The following BORCS5 variants were observed in gnomAD, a reference collection of about 807,000 sequenced individuals.
BORCS5 encodes the protein BLOC-1-related complex subunit 5.
Under a neutral mutation model 22.1 loss-of-function variants are expected in BORCS5, and 17 were observed. That is an observed-to-expected ratio of 0.77 (90% CI 0.53 to 1.15). The LOEUF is 1.15. Among genes scored for constraint, BORCS5 ranks in the 50% most tolerant of loss-of-function variants. The pLI, the probability that BORCS5 is intolerant of heterozygous loss-of-function variation, is 0.00. For synonymous variants in BORCS5, 117 were observed against 99.8 expected (o/e 1.17, Z -1.03); for missense variants, 247 against 253.2 (o/e 0.98, Z 0.17).
intron 2 of BORCS5, among the ~76,000 whole-genome samples, chr12:12,377,752 C>T (rs141257398): frequency 6.6e-5 from 10 of 152,116 alleles, no homozygotes; most frequent in Admixed American, 2.0e-4. Context: ...TGAGAGCTAG[C>T]GGTAGTGATC....
chr12:12,421,040 T>G (rs1202034079), intron 2 of BORCS5, among the ~76,000 whole-genome samples: 2 of 152,210 alleles, frequency 1.3e-5, no homozygotes, highest in African/African-American at 4.8e-5. Context: ...ATATCCTTTA[T>G]TTCTTTTTCT....
intron 2 of BORCS5, among the ~76,000 whole-genome samples, chr12:12,413,616 TGGCCG>T: frequency 1.5e-5 from 2 of 136,560 alleles, no homozygotes; most frequent in African/African-American, 5.7e-5. Context: ...AGACGGGTCG[TGGCCG>T]GGCAGAGGGG....
chr12:12,362,242 C>G (rs866150580), intron 2 of BORCS5, among the ~76,000 whole-genome samples: 6 of 152,180 alleles, frequency 3.9e-5, no homozygotes, highest in Non-Finnish European at 7.3e-5. Flanking sequence ...TATAAGGCAG[C>G]TGGCATACAC....
At chr12:12,461,846 G>A (rs938825772) in intron 3 of BORCS5, among the ~76,000 whole-genome samples, 28 of 152,200 alleles carry the variant, frequency 1.8e-4, no homozygotes, top group Non-Finnish European at 3.7e-4. Context: ...GTCACGGCAA[G>A]GCGAGGGTTT....
chr12:12,432,247 C>T (rs1310863259), intron 2 of BORCS5, among the ~76,000 whole-genome samples: 4 of 152,144 alleles, frequency 2.6e-5, no homozygotes, highest in Non-Finnish European at 1.5e-5. Flanking sequence ...GTTAATGGCA[C>T]AAAATCGTTC....
intron 2 of BORCS5, among the ~76,000 whole-genome samples, chr12:12,424,364 C>A (rs1292313852): frequency 1.3e-5 from 2 of 152,108 alleles, no homozygotes; most frequent in Admixed American, 1.3e-4. Context: ...ATTTCAGTTC[C>A]AGAACTTATT....
chr12:12,378,022 TGAAGAA>T (rs1284755449), intron 2 of BORCS5, among the ~76,000 whole-genome samples: 3 of 152,208 alleles, frequency 2.0e-5, no homozygotes, highest in East Asian at 1.9e-4. Flanking sequence ...CAATAGCACT[TGAAGAA>T]GAATGAATTA....
At chr12:12,392,529 G>T (rs1941221820) in intron 2 of BORCS5, among the ~76,000 whole-genome samples, 1 of 152,078 alleles carries the variant, frequency 6.6e-6, no homozygotes, top group Admixed American at 6.6e-5. Context: ...TCCAGATTAA[G>T]AACAGCTGCT....
intron 3 of BORCS5, among the ~76,000 whole-genome samples, chr12:12,454,182 T>C (rs990245546): frequency 1.3e-5 from 2 of 152,236 alleles, no homozygotes; most frequent in African/African-American, 4.8e-5. Context: ...AATTTACTTC[T>C]CTTGGGAATA....
chr12:12,363,683 G>C (rs888375625), intron 2 of BORCS5, among the ~76,000 whole-genome samples: 48 of 151,942 alleles, frequency 3.2e-4, no homozygotes, highest in African/African-American at 1.1e-3. Context: ...CTTGCATTGA[G>C]CCAAGATTGT....
At chr12:12,380,322 A>T (rs1199671947) in intron 2 of BORCS5, among the ~76,000 whole-genome samples, 1 of 151,244 alleles carries the variant, frequency 6.6e-6, no homozygotes, top group African/African-American at 2.4e-5. Flanking sequence ...AGCACAATTT[A>T]AAAAAAATTT....
intron 2 of BORCS5, among the ~76,000 whole-genome samples, chr12:12,413,108 CT>C (rs140916578): frequency 0.11 from 2,331 of 20,570 alleles, 199 homozygotes; most frequent in East Asian, 0.21. Flanking sequence ...GGTGATGACT[CT>C]TTTTTTTTTT....
chr12:12,373,978 A>ATTTTTT (rs1863585861), intron 2 of BORCS5, among the ~76,000 whole-genome samples: 1 of 116,776 alleles, frequency 8.6e-6, no homozygotes, highest in African/African-American at 4.5e-5. Flanking sequence ...TGCAGAGAGT[A>ATTTTTT]TTCTTTTTTT....
intron 3 of BORCS5, among the ~76,000 whole-genome samples, chr12:12,458,982 TAAAAAA>T (rs1565937404): frequency 6.6e-6 from 1 of 151,150 alleles, no homozygotes; most frequent in African/African-American, 2.4e-5. Context: ...AAAAAAGAAT[TAAAAAA>T]AAGAGAGAGA....
chr12:12,389,637 A>C (rs1278107495), intron 2 of BORCS5, among the ~76,000 whole-genome samples: 1 of 151,540 alleles, frequency 6.6e-6, no homozygotes. Context: ...TAAAAAATTT[A>C]TTTCGTTTTA....
At chr12:12,452,353 A>G (rs1942926802) in intron 3 of BORCS5, 3 of 673,230 alleles carry the variant, frequency 4.5e-6, no homozygotes, top group African/African-American at 1.8e-5. Flanking sequence ...CCGTGTCTAC[A>G]TGGAAAATCA....
At chr12:12,421,510 T>A (rs1270569129) in intron 2 of BORCS5, among the ~76,000 whole-genome samples, 1 of 152,230 alleles carries the variant, frequency 6.6e-6, no homozygotes, top group Non-Finnish European at 1.5e-5. Flanking sequence ...TCTAAAATTC[T>A]CTTCTTTTTG....
At chr12:12,383,950 G>A (rs540508420) in intron 2 of BORCS5, among the ~76,000 whole-genome samples, 1 of 151,076 alleles carries the variant, frequency 6.6e-6, no homozygotes, top group Non-Finnish European at 1.5e-5. Flanking sequence ...AGATCTCTAA[G>A]GCACTGTTTT....
intron 2 of BORCS5, among the ~76,000 whole-genome samples, chr12:12,365,497 T>C (rs1331710342): frequency 6.6e-6 from 1 of 152,000 alleles, no homozygotes; most frequent in Non-Finnish European, 1.5e-5. Context: ...CAAAAAATAC[T>C]ATAGAAAATA....
Sources: gnomAD v4.1 joint callset for allele counts (sites outside exome capture counted in the v4.1 genomes callset) on GRCh38, gnomAD v4.1.1 for gene constraint, MANE v1.5 for transcripts, NCBI Gene and HGNC (gene_info 2026-07-23, HGNC 2026-07-21) for gene names.